Variants in GRID1 observed in about 807,000 individuals in gnomAD.
GRID1 encodes glutamate ionotropic receptor delta type subunit 1.
In GRID1, 28 loss-of-function variants were observed where a neutral mutation model predicts 98.0. That is an observed-to-expected ratio of 0.29 (90% confidence interval 0.21 to 0.39). The LOEUF (loss-of-function observed/expected upper bound fraction) is 0.39, where lower values mean the gene tolerates loss of function less well. Among genes scored for constraint, GRID1 ranks in the 10% least tolerant of loss-of-function variants. The pLI is 1.00. For synonymous variants in GRID1, 553 were observed against 538.5 expected, an observed-to-expected ratio of 1.03 and a Z score of -0.37; for missense variants, 1,111 against 1,340.5, an observed-to-expected ratio of 0.83 and a Z score of 2.67.
At chr10:85,709,931 A>G (rs1410626713) in intron 12 of GRID1, among the ~76,000 whole-genome samples, 1 of 152,148 alleles carries the variant, frequency 6.6e-6, no homozygotes, top group African/African-American at 2.4e-5. Context: ...GTGATAAAAA[A>G]CAATTTAAAA....
intron 3 of GRID1, among the ~76,000 whole-genome samples, chr10:86,205,996 G>A (rs145546902): frequency 6.5e-4 from 99 of 152,298 alleles, no homozygotes; most frequent in African/African-American, 2.3e-3. Flanking sequence ...CAATCGTCCA[G>A]TGTGAAGGGC....
At chr10:85,912,568 G>C (rs1841554911) in intron 5 of GRID1, among the ~76,000 whole-genome samples, 1 of 152,222 alleles carries the variant, frequency 6.6e-6, no homozygotes, top group African/African-American at 2.4e-5. Context: ...CTGAAAGGCA[G>C]AGCCTGTAAG....
chr10:85,734,092 G>A (rs897169027), intron 8 of GRID1, among the ~76,000 whole-genome samples: 1 of 152,172 alleles, frequency 6.6e-6, no homozygotes, highest in African/African-American at 2.4e-5. Context: ...AGGCCAATCT[G>A]AGAGTCAGAA....
intron 12 of GRID1, among the ~76,000 whole-genome samples, chr10:85,653,050 G>A (rs571549062): frequency 6.6e-6 from 1 of 152,268 alleles, no homozygotes; most frequent in South Asian, 2.1e-4. Flanking sequence ...GTGCCTATGT[G>A]GTCTCTGAGG....
At chr10:85,624,541 G>A (rs572176014) in intron 13 of GRID1, among the ~76,000 whole-genome samples, 70 of 152,286 alleles carry the variant, frequency 4.6e-4, no homozygotes, top group African/African-American at 1.4e-3. Flanking sequence ...CAGCCCCCAC[G>A]TTTCTTCCAG....
intron 8 of GRID1, among the ~76,000 whole-genome samples, chr10:85,738,433 A>G (rs1209320816): frequency 6.6e-6 from 1 of 152,320 alleles, no homozygotes; most frequent in East Asian, 1.9e-4. Flanking sequence ...ACATTGGAAG[A>G]CACTTCGGCA....
intron 8 of GRID1, among the ~76,000 whole-genome samples, chr10:85,742,956 G>A (rs1841958806): frequency 1.3e-5 from 2 of 152,102 alleles, no homozygotes. Context: ...GGGCTATTCT[G>A]TGCATTGCAG....
intron 2 of GRID1, among the ~76,000 whole-genome samples, chr10:86,233,813 C>T (rs1223506924): frequency 6.6e-6 from 1 of 152,098 alleles, no homozygotes; most frequent in Non-Finnish European, 1.5e-5. Flanking sequence ...CCCTCCAGAT[C>T]CACTACTGGG....
intron 8 of GRID1, among the ~76,000 whole-genome samples, chr10:85,759,275 C>T (rs2132696059): frequency 6.6e-6 from 1 of 152,256 alleles, no homozygotes; most frequent in South Asian, 2.1e-4. Context: ...CCTTTCCAGG[C>T]ATCCCAGTAT....
chr10:85,878,002 C>T (rs181397877), intron 5 of GRID1, among the ~76,000 whole-genome samples: 1 of 152,172 alleles, frequency 6.6e-6, no homozygotes, highest in African/African-American at 2.4e-5. Flanking sequence ...ATGCAATCGA[C>T]TGGAAGAAAG....
intron 3 of GRID1, among the ~76,000 whole-genome samples, chr10:86,165,329 G>A (rs1453387121): frequency 3.3e-5 from 5 of 152,174 alleles, no homozygotes; most frequent in South Asian, 2.1e-4. Flanking sequence ...TATGTTGCTC[G>A]GCGCTCAAGG....
intron 4 of GRID1, among the ~76,000 whole-genome samples, chr10:86,041,394 G>A (rs187515374): frequency 8.0e-4 from 122 of 152,324 alleles, no homozygotes; most frequent in Middle Eastern, 3.4e-3. Context: ...TGAGCTGCAA[G>A]TGCATTAGCC....
Position 85,602,546 on chromosome 10 carries a change from C to T in GRID1, c.2757G>A (p.Glu919=). ...APTQTLEPTR[E]YQNTQLSVST... ...TGACCGAGAGCTGGGTGTTCTGGTA[C>T]TCCCGTGTCGGCTCCAAGGTCTGGG... The change falls in exon 16 of 16, where the codon GAG becomes GAA. Residue 919 remains glutamate, a synonymous_variant. Transcript: ENST00000327946. The T allele has an allele frequency of 1.2e-6, 2 of 1,614,092 alleles. 1 individual carries two copies. Among genetic ancestry groups the T allele is most frequent in the South Asian group, 2.2e-5 (2 of 91,070 alleles).
intron 3 of GRID1, among the ~76,000 whole-genome samples, chr10:86,162,375 A>AG (rs1333867376): frequency 6.6e-6 from 1 of 152,126 alleles, no homozygotes; most frequent in African/African-American, 2.4e-5. Context: ...AACAGGAAGA[A>AG]GAGCCATACA....
intron 12 of GRID1, among the ~76,000 whole-genome samples, chr10:85,676,596 C>T (rs1173726620): frequency 6.6e-6 from 1 of 152,180 alleles, no homozygotes; most frequent in Non-Finnish European, 1.5e-5. Context: ...AAACACACCA[C>T]AATGGAGACG....
intron 4 of GRID1, among the ~76,000 whole-genome samples, chr10:86,006,545 G>A (rs1037287082): frequency 6.6e-6 from 1 of 152,084 alleles, no homozygotes; most frequent in Non-Finnish European, 1.5e-5. Context: ...TTGAACCCGG[G>A]AGGCGGAGGT....
chr10:85,964,951 AC>A (rs1842317546), intron 4 of GRID1, among the ~76,000 whole-genome samples: 1 of 152,234 alleles, frequency 6.6e-6, no homozygotes, highest in Non-Finnish European at 1.5e-5. Context: ...CAAGAAAAAA[AC>A]AACCCCATCA....
chr10:86,238,023 G>T (rs2132040050), intron 2 of GRID1, among the ~76,000 whole-genome samples: 1 of 152,312 alleles, frequency 6.6e-6, no homozygotes, highest in South Asian at 2.1e-4. Context: ...GAACAGTTTG[G>T]AGGGCTCAGA....
At chr10:85,942,704 T>C (rs562186146) in intron 4 of GRID1, among the ~76,000 whole-genome samples, 1 of 152,340 alleles carries the variant, frequency 6.6e-6, no homozygotes, top group African/African-American at 2.4e-5. Context: ...GTCTCTATTA[T>C]AGATTACAAA....
Sources: gnomAD v4.1 joint callset for allele counts (sites outside exome capture counted in the v4.1 genomes callset) on GRCh38, gnomAD v4.1.1 for gene constraint, MANE v1.5 for transcripts, NCBI Gene and HGNC (gene_info 2026-07-23, HGNC 2026-07-21) for gene names.